LATS2: variants seen among roughly 807,000 people sequenced by gnomAD.
LATS2 encodes the protein large tumor suppressor kinase 2.
In LATS2, 24 loss-of-function variants were observed where a neutral mutation model predicts 76.0. That is an observed-to-expected ratio of 0.32 (90% CI 0.23 to 0.44). The LOEUF is 0.44. Ranked by LOEUF, LATS2 falls within the 20% of genes least tolerant of loss-of-function variation. The probability of loss-of-function intolerance (pLI) is 1.00; values close to 1 mark genes in which losing one functional copy is unlikely to be tolerated. For missense variants in LATS2, 1,286 were observed against 1,481.2 expected, an observed-to-expected ratio of 0.87 and a Z score of 2.16; for synonymous variants, 692 against 635.4, an observed-to-expected ratio of 1.09 and a Z score of -1.34.
chr13:21,003,923 T>C (rs758190025), intron 2 of LATS2, among the ~76,000 whole-genome samples: 2 of 152,158 alleles, frequency 1.3e-5, no homozygotes, highest in Non-Finnish European at 2.9e-5. Context: ...CTAAAGTAAA[T>C]AATTGGTTGG....
intron 1 of LATS2, among the ~76,000 whole-genome samples, chr13:21,050,147 G>GATAGATAGACAGATACATACATACATAC (rs71200328): frequency 1.9e-5 from 1 of 53,786 alleles, no homozygotes; most frequent in African/African-American, 4.7e-5. Context: ...TAGATAGATA[G>GATAGATAGACAGATACATACATACATAC]ATACATACAT....
chr13:21,040,660 G>C (rs1050674261), intron 2 of LATS2, among the ~76,000 whole-genome samples: 1 of 152,196 alleles, frequency 6.6e-6, no homozygotes, highest in Non-Finnish European at 1.5e-5. Flanking sequence ...AGGGGAGCAT[G>C]TGGGGAGGAT....
intron 2 of LATS2, among the ~76,000 whole-genome samples, chr13:21,013,384 T>A (rs1269355508): frequency 1.3e-5 from 2 of 152,242 alleles, no homozygotes; most frequent in Non-Finnish European, 2.9e-5. Context: ...GAGGGAATAT[T>A]AATGATTATA....
intron 1 of LATS2, among the ~76,000 whole-genome samples, chr13:21,050,305 AAC>A (rs1873229698): frequency 6.6e-6 from 1 of 151,984 alleles, no homozygotes; most frequent in African/African-American, 2.4e-5. Context: ...TTCACCAAGG[AAC>A]ACACTCTTGT....
At chr13:21,054,999 C>A (rs928151776) in intron 1 of LATS2, among the ~76,000 whole-genome samples, 2 of 152,140 alleles carry the variant, frequency 1.3e-5, no homozygotes, top group Admixed American at 1.3e-4. Flanking sequence ...AAAAATAGTA[C>A]CTACGGATAA....
At chr13:21,018,526 G>A (rs1427949783) in intron 2 of LATS2, among the ~76,000 whole-genome samples, 1 of 152,270 alleles carries the variant, frequency 6.6e-6, no homozygotes, top group African/African-American at 2.4e-5. Flanking sequence ...GGACCACCCT[G>A]GCAGACCACA....
intron 2 of LATS2, among the ~76,000 whole-genome samples, chr13:21,011,927 T>A (rs28583416): frequency 0.093 from 14,129 of 152,254 alleles, 1,255 homozygotes; most frequent in East Asian, 0.44. Flanking sequence ...ATCATTATGT[T>A]CTTGGAAACC....
chr13:21,012,138 A>G (rs997657405), intron 2 of LATS2, among the ~76,000 whole-genome samples: 49 of 152,234 alleles, frequency 3.2e-4, no homozygotes, highest in African/African-American at 1.2e-3. Context: ...GGCAACTGTA[A>G]CAGAATAGTG....
intron 4 of LATS2, among the ~76,000 whole-genome samples, chr13:20,987,270 T>C (rs1870198201): frequency 6.6e-6 from 1 of 152,090 alleles, no homozygotes; most frequent in Non-Finnish European, 1.5e-5. Flanking sequence ...AATCAGTGAA[T>C]ACGGGACACT....
chr13:20,998,414 G>C (rs1870858796), intron 2 of LATS2, among the ~76,000 whole-genome samples: 3 of 152,144 alleles, frequency 2.0e-5, no homozygotes, highest in Admixed American at 6.5e-5. Context: ...GACTGAGGGA[G>C]AGAAGAGGAT....
intron 1 of LATS2, among the ~76,000 whole-genome samples, chr13:21,060,874 CA>C (rs1293320781): frequency 5.9e-5 from 9 of 151,336 alleles, no homozygotes; most frequent in African/African-American, 1.9e-4. Context: ...CCGAGGCTGT[CA>C]GGGGCGCCCG....
At chr13:21,032,621 A>T (rs1317561271) in intron 2 of LATS2, among the ~76,000 whole-genome samples, 1 of 151,904 alleles carries the variant, frequency 6.6e-6, no homozygotes, top group Non-Finnish European at 1.5e-5. Flanking sequence ...AGTGCATTTT[A>T]TGTGTGGTCC....
chr13:21,000,619 T>C (rs1414648180), intron 2 of LATS2, among the ~76,000 whole-genome samples: 1 of 152,144 alleles, frequency 6.6e-6, no homozygotes, highest in Non-Finnish European at 1.5e-5. Context: ...GCCCCTCAAA[T>C]AGGAAAGTGT....
At chr13:20,996,964 C>A (rs1370615273) in intron 2 of LATS2, among the ~76,000 whole-genome samples, 1 of 152,218 alleles carries the variant, frequency 6.6e-6, no homozygotes, top group Non-Finnish European at 1.5e-5. Context: ...AGGACAGACA[C>A]CCCGAGGGGC....
At chr13:21,056,043 G>T (rs2138419104) in intron 1 of LATS2, among the ~76,000 whole-genome samples, 1 of 152,332 alleles carries the variant, frequency 6.6e-6, no homozygotes, top group East Asian at 1.9e-4. Context: ...TCCAATAGCA[G>T]CATCATCACA....
chr13:20,985,808 G>A (rs1335762934), intron 4 of LATS2, among the ~76,000 whole-genome samples: 1 of 152,106 alleles, frequency 6.6e-6, no homozygotes, highest in Non-Finnish European at 1.5e-5. Flanking sequence ...CACCCTGGGA[G>A]GCTGAGACAG....
intron 1 of LATS2, among the ~76,000 whole-genome samples, chr13:21,052,105 C>T (rs867107860): frequency 6.6e-6 from 1 of 152,186 alleles, no homozygotes; most frequent in Non-Finnish European, 1.5e-5. Flanking sequence ...AGCTCCTGCA[C>T]GGTACCAAGG....
intron 7 of LATS2, among the ~76,000 whole-genome samples, chr13:20,979,013 T>C (rs1231732922): frequency 6.6e-6 from 1 of 152,174 alleles, no homozygotes; most frequent in Non-Finnish European, 1.5e-5. Flanking sequence ...CTGCCCACCT[T>C]GGCCTTCCAA....
intron 2 of LATS2, chr13:21,018,224 C>T (rs1279830432): frequency 6.6e-6 from 1 of 152,174 alleles, no homozygotes; most frequent in Non-Finnish European, 1.5e-5. Flanking sequence ...AAAGTAAACA[C>T]TTAATTAAAA....
Sources: gnomAD v4.1 joint callset for allele counts (sites outside exome capture counted in the v4.1 genomes callset) on GRCh38, gnomAD v4.1.1 for gene constraint, MANE v1.5 for transcripts, NCBI Gene and HGNC (gene_info 2026-07-23, HGNC 2026-07-21) for gene names.